TYW1: variants seen among roughly 807,000 people sequenced by gnomAD.
TYW1 encodes the protein S-adenosyl-L-methionine-dependent tRNA 4-demethylwyosine synthase TYW1.
Under a neutral mutation model 96.2 loss-of-function variants are expected in TYW1, and 46 were observed. That is an observed-to-expected ratio of 0.48 (90% CI 0.38 to 0.61). The LOEUF is 0.61. Among genes scored for constraint, TYW1 ranks in the 20% least tolerant of loss-of-function variants. The pLI is 0.00. For missense variants in TYW1, 684 were observed against 909.6 expected, an observed-to-expected ratio of 0.75 and a Z score of 3.19; for synonymous variants, 274 against 323.0, an observed-to-expected ratio of 0.85 and a Z score of 1.63.
intron 1 of TYW1, 133 bp downstream of exon 1, chr7:66,997,115 T>A (rs13312465): frequency 6.6e-7 from 1 of 1,525,580 alleles, no homozygotes; most frequent in Non-Finnish European, 8.9e-7. Flanking sequence ...CACCGGCTAG[T>A]CGCCGCTGAG....
intron 3 of TYW1, among the ~76,000 whole-genome samples, chr7:67,006,392 A>C (rs1384759359): frequency 2.7e-5 from 4 of 150,062 alleles, no homozygotes; most frequent in Non-Finnish European, 5.9e-5. Context: ...AGCCAATTAA[A>C]TGTCTTTTTT....
intron 15 of TYW1, among the ~76,000 whole-genome samples, chr7:67,212,394 C>CAT (rs1488361786): frequency 6.6e-6 from 1 of 151,624 alleles, no homozygotes; most frequent in Non-Finnish European, 1.5e-5. Flanking sequence ...TTTATTCATT[C>CAT]ACCTATTGAA....
intron 15 of TYW1, among the ~76,000 whole-genome samples, chr7:67,208,205 C>G (rs1243934980): frequency 6.6e-6 from 1 of 151,826 alleles, no homozygotes; most frequent in East Asian, 2.0e-4. Flanking sequence ...CATGTAGTCC[C>G]AACTACTTGC....
intron 12 of TYW1, among the ~76,000 whole-genome samples, chr7:67,108,295 G>A (rs1241136621): frequency 1.3e-5 from 2 of 152,136 alleles, no homozygotes; most frequent in Admixed American, 1.3e-4. Flanking sequence ...TACAAAGGGC[G>A]AGGAACAGTA....
intron 13 of TYW1, among the ~76,000 whole-genome samples, chr7:67,119,082 C>T (rs1341045732): frequency 6.6e-6 from 1 of 151,368 alleles, no homozygotes; most frequent in African/African-American, 2.4e-5. Flanking sequence ...TTCTTTTTCA[C>T]CTAAAGTAAC....
rs756515992 is a variant in TYW1 at position 67,117,569 on chromosome 7, A to G, written c.1649A>G (p.Lys550Arg). The change falls in exon 13 of 16, where the codon AAG becomes AGG. Residue 550 changes from lysine (K) to arginine (R), a missense_variant. Physicochemically the swap from Lys to Arg is conservative, Grantham distance 26. Transcript: ENST00000359626. ...SLKKIDRPLF[K>R]DFWQRFLDSL... Reference sequence around the variant, plus strand: ...AAGAAAATCGACCGCCCACTCTTCAAGGATTTCTGGCAGAGATTCCTTGAC... The same window carrying G: ...AAGAAAATCGACCGCCCACTCTTCAGGGATTTCTGGCAGAGATTCCTTGAC... 6.2e-7 allele frequency: 1 copy of G among 1,614,086 alleles called. No homozygotes were observed. The highest frequency in any genetic ancestry group is 2.2e-5 in the East Asian group (1 of 44,866).
At chr7:66,997,179 G>C (rs1392471385) in intron 1 of TYW1, among the ~76,000 whole-genome samples, 197 bp downstream of exon 1, 1 of 152,212 alleles carries the variant, frequency 6.6e-6, no homozygotes, top group East Asian at 1.9e-4. Context: ...TTGAGGCTAG[G>C]GGGTTAGACA....
chr7:67,154,641 A>G (rs1244104800), intron 13 of TYW1, among the ~76,000 whole-genome samples: 1 of 152,178 alleles, frequency 6.6e-6, no homozygotes, highest in East Asian at 1.9e-4. Context: ...CAGCTTGACT[A>G]TAGTGTGCCT....
intron 3 of TYW1, among the ~76,000 whole-genome samples, chr7:67,000,460 A>G (rs1215128971): frequency 2.6e-5 from 4 of 151,770 alleles, no homozygotes; most frequent in South Asian, 2.1e-4. Flanking sequence ...CATCACATCT[A>G]GTTAATTTTT....
intron 7 of TYW1, among the ~76,000 whole-genome samples, chr7:67,048,587 G>A (rs952878717): frequency 3.9e-5 from 6 of 152,158 alleles, no homozygotes; most frequent in African/African-American, 1.4e-4. Context: ...AGTGGAAAGA[G>A]TGAATGAGGG....
At position 67,125,435 on chromosome 7, in the gene TYW1, TCAAAA is replaced by T. The variant is rs376012346; in HGVS notation, c.1698+7823_1698+7827del. 6.5e-3 allele frequency among the ~76,000 whole-genome samples: 992 copies of T among 152,122 alleles called. 13 individuals carry two copies. The highest frequency in any genetic ancestry group is 9.8e-3 in the Admixed American group (150 of 15,256). ...TTTATATTTTAGAGCAGTTTTAGACTCAAAACAAAATTGAGCAGAGGGTCCAGAGA... is the reference window on the plus strand; with the variant it reads ...TTTATATTTTAGAGCAGTTTTAGACTCAAAATTGAGCAGAGGGTCCAGAGA... On this transcript the variant is annotated intron_variant, in intron 13 of 15. Coordinates refer to ENST00000359626, the MANE Select transcript of TYW1 (RefSeq NM_018264.4).
At chr7:67,105,836 G>A (rs1797221900) in intron 12 of TYW1, among the ~76,000 whole-genome samples, 1 of 150,988 alleles carries the variant, frequency 6.6e-6, no homozygotes, top group African/African-American at 2.4e-5. Flanking sequence ...TGTTTCATAT[G>A]CAGTCTGCAT....
chr7:67,135,555 G>A (rs900619177), intron 13 of TYW1, among the ~76,000 whole-genome samples: 5 of 151,206 alleles, frequency 3.3e-5, no homozygotes, highest in African/African-American at 1.2e-4. Flanking sequence ...CCACCGCCTC[G>A]GCCTCCCAAA....
chr7:67,060,179 G>A (rs928837977), intron 9 of TYW1, among the ~76,000 whole-genome samples: 70 of 151,492 alleles, frequency 4.6e-4, no homozygotes, highest in African/African-American at 1.7e-3. Context: ...AGGTTCAAGT[G>A]ATTCTCCTGC....
intron 12 of TYW1, among the ~76,000 whole-genome samples, chr7:67,104,904 C>T (rs546873518): frequency 6.6e-6 from 1 of 152,228 alleles, no homozygotes; most frequent in Admixed American, 6.5e-5. Context: ...AACTAACTAA[C>T]AATAATTTAT....
At chr7:67,190,310 A>G (rs1446394121) in intron 14 of TYW1, among the ~76,000 whole-genome samples, 1 of 152,230 alleles carries the variant, frequency 6.6e-6, no homozygotes, top group East Asian at 1.9e-4. Flanking sequence ...TTTGTACTAG[A>G]TTAGAAAAGA....
intron 13 of TYW1, among the ~76,000 whole-genome samples, chr7:67,176,740 T>C (rs1799681969): frequency 1.3e-5 from 2 of 152,196 alleles, no homozygotes; most frequent in Non-Finnish European, 2.9e-5. Flanking sequence ...ATGGCCACCA[T>C]ACTCTTTCAG....
chr7:67,158,718 C>T lies in TYW1; in HGVS notation c.1699-24408C>T, dbSNP rs1015780446. Among the ~76,000 whole-genome samples, 5 of 151,908 alleles carry T rather than the reference C, an allele frequency of 3.3e-5. No homozygotes were observed. The East Asian group carries it at 5.9e-4, about 18-fold the overall frequency. Reference sequence around the variant, plus strand: ...CCGTGTAGCTGGGACTACAGGTGCTCGCCACCACGCCTGGCTAATTTTTTT... The same window carrying T: ...CCGTGTAGCTGGGACTACAGGTGCTTGCCACCACGCCTGGCTAATTTTTTT... On this transcript the variant is annotated intron_variant, in intron 13 of 15. Transcript: ENST00000359626.
chr7:67,074,856 G>A (rs1437475411), intron 10 of TYW1, among the ~76,000 whole-genome samples: 1 of 151,570 alleles, frequency 6.6e-6, no homozygotes, highest in Non-Finnish European at 1.5e-5. Context: ...CTTTTGAGAT[G>A]GAGTCTCGCT....
Sources: allele counts gnomAD v4.1 joint callset (sites outside exome capture counted in the v4.1 genomes callset), GRCh38; gene constraint gnomAD v4.1.1; transcripts MANE v1.5; gene names NCBI Gene and HGNC (gene_info 2026-07-23, HGNC 2026-07-21).